The following B4GALT5 variants were observed in gnomAD, a reference collection of about 807,000 sequenced individuals.
B4GALT5 encodes beta-1,4-galactosyltransferase 5.
In B4GALT5, 11 loss-of-function variants were observed where a neutral mutation model predicts 45.0. The ratio of observed to expected loss-of-function variants is 0.24; its 90% CI spans 0.15 to 0.40. B4GALT5 has a LOEUF of 0.40. B4GALT5 is among the 10% of genes least tolerant of loss of function. The pLI is 1.00. For missense variants in B4GALT5, 337 were observed against 500.2 expected (o/e 0.67, Z 3.11); for synonymous variants, 185 against 182.9 (o/e 1.01, Z -0.09).
chr20:49,671,204 C>G (rs2085714529), intron 1 of B4GALT5, among the ~76,000 whole-genome samples: 1 of 152,048 alleles, frequency 6.6e-6, no homozygotes, highest in Non-Finnish European at 1.5e-5. Context: ...CATGGCGAAA[C>G]CCCATCTCTA....
At chr20:49,698,859 A>G (rs187212250) in intron 1 of B4GALT5, among the ~76,000 whole-genome samples, 25 of 152,220 alleles carry the variant, frequency 1.6e-4, no homozygotes, top group Admixed American at 5.9e-4. Flanking sequence ...AGTATGGAGC[A>G]CAAGACTAGC....
At chr20:49,653,230 T>C (rs2085629350) in intron 2 of B4GALT5, among the ~76,000 whole-genome samples, 1 of 152,062 alleles carries the variant, frequency 6.6e-6, no homozygotes, top group Non-Finnish European at 1.5e-5. Flanking sequence ...TTTTTTCAAG[T>C]GTCGTGTTGG....
intron 1 of B4GALT5, among the ~76,000 whole-genome samples, chr20:49,694,729 A>G (rs1314825433): frequency 6.6e-6 from 1 of 151,326 alleles, no homozygotes; most frequent in Non-Finnish European, 1.5e-5. Context: ...AACACAACTG[A>G]TAACACCTGG....
chr20:49,671,581 A>G (rs1044439284), intron 1 of B4GALT5, among the ~76,000 whole-genome samples: 2 of 152,194 alleles, frequency 1.3e-5, no homozygotes, highest in African/African-American at 2.4e-5. Context: ...CAAGATGTTC[A>G]GTGTTTTTTA....
intron 1 of B4GALT5, among the ~76,000 whole-genome samples, chr20:49,666,052 C>T (rs373805611): frequency 6.6e-6 from 1 of 152,056 alleles, no homozygotes; most frequent in African/African-American, 2.4e-5. Flanking sequence ...GATTGGATTT[C>T]CAGTGGGCCA....
In B4GALT5 at chr20:49,633,390, T is replaced by G. The variant is rs574899208; in HGVS notation, c.*2922A>C. 7.1e-4 allele frequency: 100 copies of G among 141,652 alleles called. No individual in the cohort carries two copies. The highest frequency in any genetic ancestry group is 2.5e-3 in the African/African-American group (96 of 37,998). The allele number at this position is 141,652 out of a possible 1,614,324, so 8.8% of individuals were successfully genotyped here. A position where few individuals can be genotyped will look rare whatever the true frequency, so the allele number is the denominator to read the frequency against. On this transcript the variant is annotated 3_prime_UTR_variant, in exon 9 of 9. Transcript: ENST00000371711. Reference sequence around the variant, plus strand: ...ATTAAGGGGCCACCCATCAGTAGCCTTGAAGATTTTCAGCTACCAATATAT... The same window carrying G: ...ATTAAGGGGCCACCCATCAGTAGCCGTGAAGATTTTCAGCTACCAATATAT...
At chr20:49,705,017 G>C (rs897906075) in intron 1 of B4GALT5, among the ~76,000 whole-genome samples, 14 of 152,134 alleles carry the variant, frequency 9.2e-5, no homozygotes, top group African/African-American at 3.1e-4. Flanking sequence ...AAAAGAGGAA[G>C]TAGAGAAGGG....
intron 1 of B4GALT5, among the ~76,000 whole-genome samples, chr20:49,713,011 G>T (rs1160874695): frequency 6.6e-6 from 1 of 150,956 alleles, no homozygotes; most frequent in Non-Finnish European, 1.5e-5. Context: ...TGTAATAGGG[G>T]AAGTAGAGGA....
rs1357530897 is a variant in B4GALT5 at position 49,689,403 on chromosome 20, A to G, written c.115+24173T>C. Among the ~76,000 whole-genome samples the G allele has an allele frequency of 2.0e-5, 3 of 152,228 alleles. No individual in the cohort carries two copies. In the East Asian group the frequency reaches 5.8e-4, roughly 29 times the overall value. ...ATGGATCCGTTTCTGCCCCGTGGGAACTACAATTTCACAGATACAAATTTG... is the reference window on the plus strand; with the variant it reads ...ATGGATCCGTTTCTGCCCCGTGGGAGCTACAATTTCACAGATACAAATTTG... On this transcript the variant is annotated intron_variant, in intron 1 of 8. Transcript: ENST00000371711.
At chr20:49,663,308 T>A (rs1296175669) in intron 1 of B4GALT5, among the ~76,000 whole-genome samples, 1 of 152,138 alleles carries the variant, frequency 6.6e-6, no homozygotes, top group African/African-American at 2.4e-5. Flanking sequence ...TTTGCTTACA[T>A]GTACACATTT....
intron 2 of B4GALT5, among the ~76,000 whole-genome samples, chr20:49,649,468 T>C (rs1223001443): frequency 6.6e-6 from 1 of 151,896 alleles, no homozygotes; most frequent in African/African-American, 2.4e-5. Flanking sequence ...TGGTCCCAGC[T>C]ACTCGGGAGG....
At chr20:49,693,211 G>A (rs2085823914) in intron 1 of B4GALT5, among the ~76,000 whole-genome samples, 1 of 152,172 alleles carries the variant, frequency 6.6e-6, no homozygotes, top group Non-Finnish European at 1.5e-5. Flanking sequence ...CTGTGTTTGT[G>A]AATTCATCCT....
At chr20:49,662,700 C>T (rs1435905781) in intron 1 of B4GALT5, among the ~76,000 whole-genome samples, 1 of 152,180 alleles carries the variant, frequency 6.6e-6, no homozygotes, top group South Asian at 2.1e-4. Flanking sequence ...TTGAGCAGCA[C>T]TGCCAAAAAG....
intron 1 of B4GALT5, among the ~76,000 whole-genome samples, chr20:49,665,497 G>C (rs908997462): frequency 1.3e-5 from 2 of 148,420 alleles, no homozygotes; most frequent in African/African-American, 5.0e-5. Flanking sequence ...GAAACATCAA[G>C]TCCTAAGGAC....
intron 1 of B4GALT5, 97 bp downstream of exon 1, chr20:49,713,479 C>G (rs2085929024): frequency 3.1e-6 from 4 of 1,272,044 alleles, no homozygotes; most frequent in Non-Finnish European, 4.4e-6. Context: ...AGGCTCAGGG[C>G]CGCCTCCCGG....
chr20:49,695,376 A>AT (rs2085834806), intron 1 of B4GALT5, among the ~76,000 whole-genome samples: 1 of 151,862 alleles, frequency 6.6e-6, no homozygotes, highest in Non-Finnish European at 1.5e-5. Context: ...CATTAACCAC[A>AT]GGGTGAAGTG....
chr20:49,677,624 C>G (rs190012585), intron 1 of B4GALT5, among the ~76,000 whole-genome samples: 1 of 152,096 alleles, frequency 6.6e-6, no homozygotes, highest in South Asian at 2.1e-4. Context: ...GTTTTTCTTA[C>G]GCAGCTGAAA....
Position 49,656,593 on chromosome 20 carries a change from C to T in B4GALT5, c.225G>A (p.Lys75=), listed in dbSNP as rs763257500. Reference sequence around the variant, plus strand: ...CTGAGTCATTTACACTGCTGTTCCTCTTGGCATAAGCACTCCGAAGCACCT... The same window carrying T: ...CTGAGTCATTTACACTGCTGTTCCTTTTGGCATAAGCACTCCGAAGCACCT... The part of the protein sequence containing the change: ...YEQVLRSAYA[K]RNSSVNDSDY... Residue 75 remains lysine, a synonymous_variant, in exon 2 of 9, where the codon AAG becomes AAA. Coordinates refer to ENST00000371711, the MANE Select transcript of B4GALT5 (RefSeq NM_004776.4). 1 of 1,614,182 alleles carries T rather than the reference C, an allele frequency of 6.2e-7. No individual in the cohort carries two copies. The highest frequency in any genetic ancestry group is 8.5e-7 in the Non-Finnish European group (1 of 1,180,026).
intron 1 of B4GALT5, among the ~76,000 whole-genome samples, chr20:49,688,413 G>A (rs1171897102): frequency 2.0e-5 from 3 of 152,158 alleles, no homozygotes; most frequent in African/African-American, 7.2e-5. Context: ...AACTCCTGCA[G>A]GGTACTTCCA....
Sources: allele counts gnomAD v4.1 joint callset (sites outside exome capture counted in the v4.1 genomes callset), GRCh38; gene constraint gnomAD v4.1.1; transcripts MANE v1.5; gene names NCBI Gene and HGNC (gene_info 2026-07-23, HGNC 2026-07-21).